DCUN1D3: variants seen among roughly 807,000 people sequenced by gnomAD.
DCUN1D3 encodes the protein defective in cullin neddylation 1 domain containing 3.
Under a neutral mutation model 24.8 loss-of-function variants are expected in DCUN1D3, and 6 were observed. That is an observed-to-expected ratio of 0.24 (90% CI 0.13 to 0.48). The LOEUF (loss-of-function observed/expected upper bound fraction) is 0.48, where lower values mean the gene tolerates loss of function less well. Ranked by LOEUF, DCUN1D3 falls within the 20% of genes least tolerant of loss-of-function variation. The pLI, the probability that DCUN1D3 is intolerant of heterozygous loss-of-function variation, is 0.99. For synonymous variants in DCUN1D3, 120 were observed against 144.9 expected (o/e 0.83, Z 1.24); for missense variants, 258 against 379.4 (o/e 0.68, Z 2.66).
intron 1 of DCUN1D3, among the ~76,000 whole-genome samples, chr16:20,866,251 CT>C (rs1182921772): frequency 1.3e-5 from 2 of 152,188 alleles, no homozygotes; most frequent in African/African-American, 4.8e-5. Context: ...TTCCTAAAGA[CT>C]AGAATGCTGA....
chr16:20,890,407 C>A lies in DCUN1D3; in HGVS notation c.-106+9797G>T, dbSNP rs190436582. ...CTTTGAGAGGCCAAGGCAAGAGGATCGCTTGAGGCAGTTTGAGACCAGCCT... is the reference window on the plus strand; with the variant it reads ...CTTTGAGAGGCCAAGGCAAGAGGATAGCTTGAGGCAGTTTGAGACCAGCCT... On this transcript the variant is annotated intron_variant, in intron 1 of 2. Coordinates refer to ENST00000324344, the MANE Select transcript of DCUN1D3 (RefSeq NM_173475.4). Among the ~76,000 whole-genome samples, 7 of 152,124 alleles carry A rather than the reference C, an allele frequency of 4.6e-5. No individual in the cohort carries two copies. The East Asian group carries it at 1.4e-3, about 29-fold the overall frequency.
At chr16:20,862,678 G>T in intron 1 of DCUN1D3, 35 bp from the exon 2 acceptor site, 1 of 1,496,996 alleles carries the variant, frequency 6.7e-7, no homozygotes, top group Non-Finnish European at 8.8e-7. Flanking sequence ...ACCTCTGGGT[G>T]GGGGAAATGG....
chr16:20,886,975 T>C (rs534211521), intron 1 of DCUN1D3, among the ~76,000 whole-genome samples: 3 of 152,346 alleles, frequency 2.0e-5, no homozygotes, highest in African/African-American at 7.2e-5. Flanking sequence ...CATGAATTCA[T>C]AGGTGTGATA....
rs1228202057 is a variant in DCUN1D3, at chr16:20,900,260, G to A, written c.-162C>T. ...TTTCTGGAAACGACGGCGGCCCGGCGGGTCCAAACCACCTACCATCCCCGC... is the reference window on the plus strand; with the variant it reads ...TTTCTGGAAACGACGGCGGCCCGGCAGGTCCAAACCACCTACCATCCCCGC... On this transcript the variant is annotated 5_prime_UTR_variant, in exon 1 of 3. Transcript: ENST00000324344. The A allele has an allele frequency of 6.6e-6, 1 of 150,776 alleles. No individual in the cohort carries two copies. The highest frequency in any genetic ancestry group is 1.5e-5 in the Non-Finnish European group (1 of 67,816). The allele number at this position is 150,776 out of a possible 1,614,324, so 9.3% of individuals were successfully genotyped here. A position where few individuals can be genotyped will look rare whatever the true frequency, so the allele number is the denominator to read the frequency against.
At chr16:20,880,256 T>A (rs532151875) in intron 1 of DCUN1D3, among the ~76,000 whole-genome samples, 90 of 152,200 alleles carry the variant, frequency 5.9e-4, no homozygotes, top group African/African-American at 2.1e-3. Flanking sequence ...AGTGACAGCA[T>A]CTTAGACTGC....
chr16:20,897,739 T>C (rs2081922862), intron 1 of DCUN1D3, among the ~76,000 whole-genome samples: 1 of 152,118 alleles, frequency 6.6e-6, no homozygotes, highest in Admixed American at 6.5e-5. Context: ...AAGAAAGAGG[T>C]GTGTCCTCAA....
At chr16:20,894,602 C>T (rs916168487) in intron 1 of DCUN1D3, among the ~76,000 whole-genome samples, 1 of 152,198 alleles carries the variant, frequency 6.6e-6, no homozygotes, top group Non-Finnish European at 1.5e-5. Context: ...CAATCCCAAG[C>T]CTAACAATAT....
intron 1 of DCUN1D3, among the ~76,000 whole-genome samples, chr16:20,891,516 C>T (rs889460668): frequency 1.3e-5 from 2 of 152,058 alleles, no homozygotes; most frequent in Admixed American, 6.5e-5. Flanking sequence ...GGATGGAGGC[C>T]GGGGGAATTG....
rs2081708120 is a variant in DCUN1D3 at position 20,857,534 on chromosome 16, G to C, written c.*2352C>G. On this transcript the variant is annotated 3_prime_UTR_variant, in exon 3 of 3. Coordinates refer to ENST00000324344, the MANE Select transcript of DCUN1D3 (RefSeq NM_173475.4). ...GCCTTATCTGGCCAAGAGCAGCCTG[G>C]CTTTTCCCTCAGTCAACCACTACCC... 1 of 152,186 alleles carries C rather than the reference G, an allele frequency of 6.6e-6. No homozygotes were observed. The highest frequency in any genetic ancestry group is 2.4e-5 in the African/African-American group (1 of 41,436). The allele number at this position is 152,186 out of a possible 1,614,324, so 9.4% of individuals were successfully genotyped here.
intron 1 of DCUN1D3, among the ~76,000 whole-genome samples, chr16:20,880,488 C>T (rs1188281045): frequency 6.6e-6 from 1 of 150,470 alleles, no homozygotes; most frequent in Non-Finnish European, 1.5e-5. Context: ...GTCTGTGGTC[C>T]CAGCTACTTG....
intron 2 of DCUN1D3, among the ~76,000 whole-genome samples, chr16:20,861,436 G>A (rs2081731960): frequency 6.6e-6 from 1 of 152,044 alleles, no homozygotes; most frequent in Non-Finnish European, 1.5e-5. Context: ...GGTACTCACA[G>A]TGCAAGTGGC....
rs754383342 is a variant in DCUN1D3, at chr16:20,862,417, A to T, written c.122T>A (p.Val41Glu). ...RRGAGHREEQ[V>E]PPCGKPGGDI... is the part of the protein sequence containing the mutation. Reference sequence around the variant, plus strand: ...TCCACCTGGCTTGCCACAGGGTGGTACCTGCTCCTCACGGTGGCCTGCACC... The same window carrying T: ...TCCACCTGGCTTGCCACAGGGTGGTTCCTGCTCCTCACGGTGGCCTGCACC... The change falls in exon 2 of 3, where the codon GTA becomes GAA. Residue 41 changes from valine (V) to glutamate (E), a missense_variant. By Grantham distance (121) the Val-to-Glu change is moderately radical. Transcript: ENST00000324344. 4 of 1,613,754 alleles carry T rather than the reference A, an allele frequency of 2.5e-6. No individual in the cohort carries two copies. Among genetic ancestry groups the T allele is most frequent in the Non-Finnish European group, 3.4e-6 (4 of 1,179,978 alleles).
At chr16:20,898,569 A>T (rs756998243) in intron 1 of DCUN1D3, among the ~76,000 whole-genome samples, 7 of 152,208 alleles carry the variant, frequency 4.6e-5, no homozygotes, top group Non-Finnish European at 8.8e-5. Flanking sequence ...CTTCTGTTGT[A>T]TTTTTGTGAA....
In DCUN1D3 at chr16:20,859,832, A is replaced by G. The variant is rs1003775404; in HGVS notation, c.*54T>C. ...AATTTCCAAAATGGTCCAATTCCTCAGTTGGCTGCAGGGCAGCTGGCAGAT... is the reference window on the plus strand; with the variant it reads ...AATTTCCAAAATGGTCCAATTCCTCGGTTGGCTGCAGGGCAGCTGGCAGAT... On this transcript the variant is annotated 3_prime_UTR_variant, in exon 3 of 3. Coordinates refer to ENST00000324344, the MANE Select transcript of DCUN1D3 (RefSeq NM_173475.4). 1.3e-6 allele frequency: 2 copies of G among 1,528,854 alleles called. No homozygotes were observed. The allele number at this position is 1,528,854 out of a possible 1,614,324, so 94.7% of individuals were successfully genotyped here.
intron 1 of DCUN1D3, among the ~76,000 whole-genome samples, chr16:20,871,705 A>G (rs1184988540): frequency 6.6e-6 from 1 of 152,206 alleles, no homozygotes; most frequent in Admixed American, 6.5e-5. Context: ...TTCCAAACTG[A>G]GCTACATGTT....
chr16:20,860,408 C>T lies in DCUN1D3; in HGVS notation c.432-39G>A. On this transcript the variant is annotated intron_variant, in intron 2 of 2. Transcript: ENST00000324344. This position sits in a 1 kb window ranked among gnomAD's most constrained non-coding sequence, Gnocchi z 4.3. The stretch of plus-strand genomic sequence containing the variant: ...GAAAAGGACAATTAATCATTATAAA[C>T]TATACTATTTACAGGCAATATACAT... 6.3e-7 allele frequency: 1 copy of T among 1,577,958 alleles called. No individual in the cohort carries two copies. The highest frequency in any genetic ancestry group is 8.6e-7 in the Non-Finnish European group (1 of 1,163,822).
chr16:20,875,469 A>G (rs2152517368), intron 1 of DCUN1D3, among the ~76,000 whole-genome samples: 1 of 152,348 alleles, frequency 6.6e-6, no homozygotes, highest in Non-Finnish European at 1.5e-5. Context: ...AGGTTTGTAC[A>G]GCCCAGCTCT....
At chr16:20,872,221 T>C (rs1596632706) in intron 1 of DCUN1D3, among the ~76,000 whole-genome samples, 1 of 152,330 alleles carries the variant, frequency 6.6e-6, no homozygotes, top group African/African-American at 2.4e-5. Flanking sequence ...AGCAACTCAC[T>C]GAAAATTAGT....
intron 1 of DCUN1D3, among the ~76,000 whole-genome samples, chr16:20,865,366 T>C (rs1567422591): frequency 6.6e-6 from 1 of 152,246 alleles, no homozygotes. Context: ...ATTATTTATA[T>C]AATTTAAAAG....
Sources: gnomAD v4.1 joint callset for allele counts (sites outside exome capture counted in the v4.1 genomes callset) on GRCh38, gnomAD v4.1.1 for gene constraint, Gnocchi (gnomAD v3.1) non-coding constraint, MANE v1.5 for transcripts, NCBI Gene and HGNC (gene_info 2026-07-23, HGNC 2026-07-21) for gene names.